Variants in SDC3 observed in about 807,000 individuals in gnomAD.
SDC3 encodes syndecan-3.
In SDC3, 13 loss-of-function variants were observed where a neutral mutation model predicts 24.4. That is an observed-to-expected ratio of 0.53 (90% CI 0.35 to 0.85). The LOEUF (loss-of-function observed/expected upper bound fraction) is 0.85, where lower values mean the gene tolerates loss of function less well. Ranked by LOEUF, SDC3 falls within the 40% of genes least tolerant of loss-of-function variation. SDC3 has a pLI of 0.01. For synonymous variants in SDC3, 295 were observed against 260.9 expected, an observed-to-expected ratio of 1.13 and a Z score of -1.26; for missense variants, 571 against 584.5, an observed-to-expected ratio of 0.98 and a Z score of 0.24.
chr1:30,895,109 G>T (rs543829057), intron 1 of SDC3, among the ~76,000 whole-genome samples: 55 of 152,042 alleles, frequency 3.6e-4, no homozygotes, highest in Non-Finnish European at 6.6e-4. Flanking sequence ...CTGAGGCAGG[G>T]GGAGGGACAG....
At chr1:30,904,236 A>G (rs1421829117) in intron 1 of SDC3, among the ~76,000 whole-genome samples, 1 of 152,092 alleles carries the variant, frequency 6.6e-6, no homozygotes. Flanking sequence ...AAAATAAAAT[A>G]CTAAAATGAG....
At chr1:30,890,225 T>C (rs536019928) in intron 1 of SDC3, among the ~76,000 whole-genome samples, 1 of 152,258 alleles carries the variant, frequency 6.6e-6, no homozygotes, top group African/African-American at 2.4e-5. Flanking sequence ...CAGAATTGCT[T>C]GAACCTGGGA....
chr1:30,874,187 A>G, intron 4 of SDC3, 110 bp downstream of exon 4: 2 of 890,142 alleles, frequency 2.2e-6, no homozygotes, highest in Non-Finnish European at 3.4e-6. Flanking sequence ...GCTCCTAGGA[A>G]ACCACGCCCT....
chr1:30,906,845 C>A (rs1192086063), intron 1 of SDC3, among the ~76,000 whole-genome samples: 2 of 152,184 alleles, frequency 1.3e-5, no homozygotes, highest in Non-Finnish European at 2.9e-5. Context: ...AGAAGGCGAC[C>A]CCAGCTGCTA....
intron 1 of SDC3, among the ~76,000 whole-genome samples, chr1:30,902,640 T>C (rs1394435129): frequency 1.3e-5 from 2 of 152,182 alleles, no homozygotes; most frequent in Non-Finnish European, 2.9e-5. Context: ...GGGCAGCTCC[T>C]GGCTCTGGCC....
intron 4 of SDC3, 136 bp from the exon 5 acceptor site, chr1:30,873,513 C>A (rs1238369298): frequency 6.4e-6 from 4 of 623,412 alleles, no homozygotes; most frequent in East Asian, 2.7e-5. Flanking sequence ...GGAGTCAATA[C>A]TACTACTACC....
chr1:30,888,617 G>A (rs980402919), intron 1 of SDC3, among the ~76,000 whole-genome samples: 1 of 152,190 alleles, frequency 6.6e-6, no homozygotes, highest in South Asian at 2.1e-4. Flanking sequence ...GTAAGAATGT[G>A]TGTGTGTGTC....
chr1:30,874,641 C>T, intron 3 of SDC3, 53 bp from the exon 4 acceptor site: 1 of 1,545,828 alleles, frequency 6.5e-7, no homozygotes, highest in Admixed American at 1.7e-5. Flanking sequence ...TGCATAACCC[C>T]CCACCACCAT....
chr1:30,891,921 A>G (rs1379192278), intron 1 of SDC3, among the ~76,000 whole-genome samples: 1 of 151,040 alleles, frequency 6.6e-6, no homozygotes, highest in Non-Finnish European at 1.5e-5. Context: ...CCAGGCAGGG[A>G]CCACAGAGGA....
At position 30,871,167 on chromosome 1, in the gene SDC3, T is replaced by G. The variant is rs963073632; in HGVS notation, c.*2044A>C. On this transcript the variant is annotated 3_prime_UTR_variant, in exon 5 of 5. Coordinates refer to ENST00000339394, the MANE Select transcript of SDC3 (RefSeq NM_014654.4). ...AGCCCAGCCTGGAAAAGACAGGCTG[T>G]GGGACAGCCCCTGGAACCTCCCCCT... is the stretch of plus-strand genomic sequence containing the variant. 1 of 152,278 alleles carries G rather than the reference T, an allele frequency of 6.6e-6. No individual in the cohort carries two copies. Among genetic ancestry groups the G allele is most frequent in the African/African-American group, 2.4e-5 (1 of 41,442 alleles). The allele number at this position is 152,278 out of a possible 1,614,324, so 9.4% of individuals were successfully genotyped here.
intron 1 of SDC3, among the ~76,000 whole-genome samples, chr1:30,886,312 C>A (rs1345740892): frequency 2.0e-5 from 3 of 152,092 alleles, no homozygotes; most frequent in African/African-American, 7.2e-5. Context: ...CTAGATATGT[C>A]CCCACAAAGC....
intron 3 of SDC3, 127 bp from the exon 4 acceptor site, chr1:30,874,715 T>TCCCCATGTGTAGCA: frequency 1.2e-6 from 1 of 855,452 alleles, no homozygotes. Context: ...CTACACACTA[T>TCCCCATGTGTAGCA]CCCCATGAAG....
chr1:30,902,274 C>G lies in SDC3; in HGVS notation c.138+6175G>C, dbSNP rs150133688. On this transcript the variant is annotated intron_variant, in intron 1 of 4. Coordinates refer to ENST00000339394, the MANE Select transcript of SDC3 (RefSeq NM_014654.4). The stretch of plus-strand genomic sequence containing the variant: ...CCACCGCCACCCCCACTGCTGGGCC[C>G]TCAGCCATGGCCGCTCAGGCTCCCC... 3.3e-3 allele frequency among the ~76,000 whole-genome samples: 501 copies of G among 152,354 alleles called. 2 individuals carry two copies. The highest frequency in any genetic ancestry group is 0.017 in the Middle Eastern group (5 of 294).
At chr1:30,893,015 G>T (rs886947902) in intron 1 of SDC3, among the ~76,000 whole-genome samples, 1 of 152,162 alleles carries the variant, frequency 6.6e-6, no homozygotes, top group Non-Finnish European at 1.5e-5. Flanking sequence ...CCAGGGAAAG[G>T]CCAGCCCAAC....
At chr1:30,902,494 C>T (rs1398939076) in intron 1 of SDC3, among the ~76,000 whole-genome samples, 1 of 152,186 alleles carries the variant, frequency 6.6e-6, no homozygotes, top group African/African-American at 2.4e-5. Context: ...CAAGAGCCAG[C>T]CCGATGTTCC....
intron 4 of SDC3, among the ~76,000 whole-genome samples, 185 bp from the exon 5 acceptor site, chr1:30,873,562 C>A (rs1369644766): frequency 6.6e-6 from 1 of 152,076 alleles, no homozygotes; most frequent in Non-Finnish European, 1.5e-5. Context: ...TGGCTGCATT[C>A]TAATCGCCCA....
rs577539804 is a variant in SDC3 at position 30,894,549 on chromosome 1, TGTGTGTGGGTGAGA to T, written c.138+13886_138+13899del. On this transcript the variant is annotated intron_variant, in intron 1 of 4. Transcript: ENST00000339394. Reference sequence around the variant, plus strand: ...GTGGGTGAGAGTGTGCGTGGATGAGTGTGTGTGGGTGAGAGTGTGTGGGTGTATGTGTGGGCTAC... The same window carrying T: ...GTGGGTGAGAGTGTGCGTGGATGAGTGTGTGTGGGTGTATGTGTGGGCTAC... 4.5e-3 allele frequency among the ~76,000 whole-genome samples: 586 copies of T among 130,534 alleles called. 6 individuals are homozygous for T. The highest frequency in any genetic ancestry group is 0.017 in the African/African-American group (551 of 33,064). 85.6% of individuals were successfully genotyped at this position (130,534 alleles called of 152,430 possible).
chr1:30,872,908 G>T lies in SDC3; in HGVS notation c.*303C>A. On this transcript the variant is annotated 3_prime_UTR_variant, in exon 5 of 5. Transcript: ENST00000339394. Reference sequence around the variant, plus strand: ...AGCCCCACCCTTTCTTCCACCACCAGCCAATCAGGAGCTTTCTTCCTCCCA... The same window carrying T: ...AGCCCCACCCTTTCTTCCACCACCATCCAATCAGGAGCTTTCTTCCTCCCA... 1 of 380,884 alleles carries T rather than the reference G, an allele frequency of 2.6e-6. No individual in the cohort carries two copies. Among genetic ancestry groups the T allele is most frequent in the Admixed American group, 4.2e-5 (1 of 23,618 alleles). 23.6% of individuals were successfully genotyped at this position (380,884 alleles called of 1,614,324 possible).
Position 30,908,582 on chromosome 1 carries a change from T to G in SDC3, c.5A>C (p.Lys2Thr). 3 of 973,470 alleles carry G rather than the reference T, an allele frequency of 3.1e-6. No individual in the cohort carries two copies. The highest frequency in any genetic ancestry group is 3.6e-6 in the Non-Finnish European group (3 of 825,004). 60.3% of individuals were successfully genotyped at this position (973,470 alleles called of 1,614,324 possible). Residue 2 changes from lysine (K) to threonine (T), a missense_variant, in exon 1 of 5, where the codon AAG (lysine) becomes ACG (threonine). Lys to Thr is a moderately conservative substitution (Grantham distance 78). This residue lies in a region of SDC3 where 497 missense variants were observed against 471.6 expected (regional missense o/e 1.05). Coordinates refer to ENST00000339394, the MANE Select transcript of SDC3 (RefSeq NM_014654.4). ...CCCGGCACGGTGCGGCGGCCCCGGC[T>G]TCATGGCGGCGGCGCGGGCGCGGGC... MKPGPPHRAGAA... is the reference protein window; with the variant it reads MTPGPPHRAGAA...
Sources: gnomAD v4.1 joint callset for allele counts (sites outside exome capture counted in the v4.1 genomes callset) on GRCh38, gnomAD v4.1.1 for gene constraint, gnomAD v4.1.1 regional missense constraint, MANE v1.5 for transcripts, NCBI Gene and HGNC (gene_info 2026-07-23, HGNC 2026-07-21) for gene names.